Variants in UGT1A9 observed in about 807,000 individuals in gnomAD.
UGT1A9 encodes the protein UDP-glucuronosyltransferase 1A9.
A neutral mutation model predicts 45.0 loss-of-function variants in UGT1A9; 35 were observed. That is an observed-to-expected ratio of 0.78 (90% CI 0.59 to 1.03). The LOEUF (loss-of-function observed/expected upper bound fraction) is 1.03, where lower values mean the gene tolerates loss of function less well. Ranked by LOEUF, UGT1A9 falls within the 50% of genes least tolerant of loss-of-function variation. The pLI, the probability that UGT1A9 is intolerant of heterozygous loss-of-function variation, is 0.00. For missense variants in UGT1A9, 687 were observed against 666.6 expected (o/e 1.03, Z -0.34); for synonymous variants, 278 against 250.6 (o/e 1.11, Z -1.03).
At chr2:233,713,286 T>G (rs2076302017) in intron 1 of UGT1A9, 2 of 1,614,222 alleles carry the variant, frequency 1.2e-6, no homozygotes, top group Non-Finnish European at 1.7e-6. Context: ...TCACACTCAA[T>G]CGTTCTTTGA....
intron 1 of UGT1A9, among the ~76,000 whole-genome samples, chr2:233,694,689 C>A (rs1300975135): frequency 6.6e-6 from 1 of 152,142 alleles, no homozygotes; most frequent in Non-Finnish European, 1.5e-5. Context: ...TCCCAAAGAC[C>A]CTTACCTCTC....
At chr2:233,695,451 A>G (rs774662852) in intron 1 of UGT1A9, among the ~76,000 whole-genome samples, 22 of 149,706 alleles carry the variant, frequency 1.5e-4, no homozygotes, top group South Asian at 6.5e-4. Context: ...TTTTTGATCA[A>G]CGTGCTTTAT....
At chr2:233,679,958 G>T (rs2074468382) in intron 1 of UGT1A9, among the ~76,000 whole-genome samples, 1 of 152,112 alleles carries the variant, frequency 6.6e-6, no homozygotes, top group Non-Finnish European at 1.5e-5. Flanking sequence ...TTTGGCTCCT[G>T]CTGGCATAGC....
chr2:233,674,144 C>G (rs1273610553), intron 1 of UGT1A9, among the ~76,000 whole-genome samples: 1 of 152,128 alleles, frequency 6.6e-6, no homozygotes, highest in Admixed American at 6.5e-5. Context: ...TTACAAGGTT[C>G]AGTAGACTTG....
At chr2:233,729,112 G>A (rs557523932) in intron 1 of UGT1A9, 4 of 1,612,930 alleles carry the variant, frequency 2.5e-6, no homozygotes, top group East Asian at 2.2e-5. Flanking sequence ...TCAGCTGTCC[G>A]TGTCTTCTGC....
At chr2:233,734,752 T>C (rs1438884438) in intron 1 of UGT1A9, among the ~76,000 whole-genome samples, 1 of 152,248 alleles carries the variant, frequency 6.6e-6, no homozygotes, top group African/African-American at 2.4e-5. Context: ...TCTTTATTTC[T>C]GCCTTCACTT....
intron 1 of UGT1A9, chr2:233,693,707 G>T (rs199908505): frequency 6.2e-7 from 1 of 1,614,202 alleles, no homozygotes; most frequent in Non-Finnish European, 8.5e-7. Flanking sequence ...ACTCGCATCA[G>T]CTGTCCTCAA....
At chr2:233,693,309 G>T in intron 1 of UGT1A9, 3 of 1,614,154 alleles carry the variant, frequency 1.9e-6, no homozygotes, top group Non-Finnish European at 1.7e-6. Flanking sequence ...TTTGCTGAGC[G>T]ATCATTCCTA....
intron 1 of UGT1A9, among the ~76,000 whole-genome samples, chr2:233,707,415 G>A (rs183543704): frequency 6.4e-4 from 97 of 151,948 alleles, no homozygotes; most frequent in East Asian, 3.1e-3. Context: ...TCTCTCCCTC[G>A]ACTATTTCTT....
chr2:233,724,149 C>T (rs1483469829), intron 1 of UGT1A9, among the ~76,000 whole-genome samples: 2 of 117,102 alleles, frequency 1.7e-5, no homozygotes, highest in Non-Finnish European at 3.4e-5. Context: ...GGCGGCTGGC[C>T]GGGTGGGGGG....
intron 1 of UGT1A9, among the ~76,000 whole-genome samples, chr2:233,684,227 C>A (rs754642033): frequency 1.3e-5 from 2 of 152,108 alleles, no homozygotes; most frequent in Non-Finnish European, 2.9e-5. Flanking sequence ...TGCAACCAAG[C>A]GCTTTCTAAA....
chr2:233,719,669 C>T (rs375077876), intron 1 of UGT1A9: 192 of 1,614,064 alleles, frequency 1.2e-4, no homozygotes, highest in East Asian at 4.0e-4. Context: ...ACTGTGCCAA[C>T]GGGAAGCCAC....
chr2:233,688,176 G>A (rs1284708119), intron 1 of UGT1A9, among the ~76,000 whole-genome samples: 1 of 152,174 alleles, frequency 6.6e-6, no homozygotes, highest in Non-Finnish European at 1.5e-5. Context: ...CATGGAAATG[G>A]AAGCCTTTAT....
intron 1 of UGT1A9, chr2:233,693,021 G>T: frequency 6.2e-7 from 1 of 1,614,090 alleles, no homozygotes. Flanking sequence ...TGCCTCCTTC[G>T]CTCATTTCAG....
intron 1 of UGT1A9, chr2:233,692,199 G>A (rs2075084120): frequency 6.6e-6 from 1 of 152,394 alleles, no homozygotes; most frequent in African/African-American, 2.4e-5. Context: ...TGAAGGTGTG[G>A]AGGGTGGGGC....
At chr2:233,768,790 G>T (rs1021832155) in intron 4 of UGT1A9, among the ~76,000 whole-genome samples, 16 of 151,906 alleles carry the variant, frequency 1.1e-4, no homozygotes, top group African/African-American at 3.9e-4. Context: ...CACCATGTTT[G>T]TCAGGCTGGT....
intron 1 of UGT1A9, among the ~76,000 whole-genome samples, chr2:233,739,434 A>G (rs369218024): frequency 2.4e-4 from 37 of 152,256 alleles, no homozygotes; most frequent in African/African-American, 8.2e-4. Context: ...CGAGGGCTTT[A>G]CCCTGCAAAG....
At chr2:233,751,848 C>A (rs1317042286) in intron 1 of UGT1A9, among the ~76,000 whole-genome samples, 1 of 152,136 alleles carries the variant, frequency 6.6e-6, no homozygotes, top group African/African-American at 2.4e-5. Context: ...GTCATTTAAA[C>A]CTTTGTCTTT....
chr2:233,688,693 C>T (rs898066571), intron 1 of UGT1A9, among the ~76,000 whole-genome samples: 3 of 152,096 alleles, frequency 2.0e-5, no homozygotes, highest in Non-Finnish European at 2.9e-5. Flanking sequence ...TAATATTAAA[C>T]GTCCTTCATT....
Sources: gnomAD v4.1 joint callset for allele counts (sites outside exome capture counted in the v4.1 genomes callset) on GRCh38, gnomAD v4.1.1 for gene constraint, MANE v1.5 for transcripts, NCBI Gene and HGNC (gene_info 2026-07-23, HGNC 2026-07-21) for gene names.